The following SAXO1 variants were observed in gnomAD, a reference collection of about 807,000 sequenced individuals.
SAXO1 encodes the protein stabilizer of axonemal microtubules 1.
In SAXO1, 21 loss-of-function variants were observed where a neutral mutation model predicts 17.5. The ratio of observed to expected loss-of-function variants is 1.20; its 90% confidence interval spans 0.85 to 1.72. The LOEUF (loss-of-function observed/expected upper bound fraction) is 1.72, where lower values mean the gene tolerates loss of function less well. SAXO1 is among the 40% of genes most tolerant of loss of function. The pLI is 0.00. For synonymous variants in SAXO1, 274 were observed against 216.5 expected (o/e 1.27, Z -2.33); for missense variants, 843 against 596.0 (o/e 1.41, Z -4.32).
At chr9:18,995,012 G>T (rs1332361665) in intron 1 of SAXO1, among the ~76,000 whole-genome samples, 7 of 152,148 alleles carry the variant, frequency 4.6e-5, no homozygotes, top group Admixed American at 4.6e-4. Flanking sequence ...AGACCATCCA[G>T]GAAGAGACTG....
rs202178772 is a variant in SAXO1 at position 18,982,556 on chromosome 9, A to C, written c.39-31619T>G. On this transcript the variant is annotated intron_variant, in intron 1 of 3. Transcript: ENST00000380534. ...TGACTTCCAACAGAGTCACCATGGC[A>C]GAAGGGGTTACTCTGAGCAAACCTT... 4.9e-4 allele frequency among the ~76,000 whole-genome samples: 75 copies of C among 152,356 alleles called. No homozygotes were observed. The East Asian group carries it at 5.4e-3, about 11-fold the overall frequency.
At chr9:19,025,173 CTT>C (rs1021164392) in intron 1 of SAXO1, among the ~76,000 whole-genome samples, 69 of 152,092 alleles carry the variant, frequency 4.5e-4, no homozygotes, top group African/African-American at 1.6e-3. Context: ...AAAATTCAAT[CTT>C]AACGTGAAAG....
chr9:18,976,746 G>A (rs922090619), intron 1 of SAXO1, among the ~76,000 whole-genome samples: 15 of 152,170 alleles, frequency 9.9e-5, no homozygotes, highest in African/African-American at 2.9e-4. Flanking sequence ...ATTTTCCAAC[G>A]AGGACATTCC....
intron 1 of SAXO1, chr9:19,027,609 T>C (rs1835549051): frequency 4.9e-6 from 7 of 1,433,328 alleles, no homozygotes; most frequent in South Asian, 1.1e-5. Flanking sequence ...CTGGTGCAGA[T>C]GTTCACTGGA....
intron 1 of SAXO1, among the ~76,000 whole-genome samples, chr9:18,985,128 G>C (rs1181912469): frequency 6.6e-6 from 1 of 151,976 alleles, no homozygotes; most frequent in East Asian, 1.9e-4. Context: ...CAAGGAGAAG[G>C]AGAGAGATGC....
chr9:19,033,822 G>T (rs1835864817), upstream of SAXO1, among the ~76,000 whole-genome samples: 1 of 152,186 alleles, frequency 6.6e-6, no homozygotes, highest in Admixed American at 6.5e-5. Context: ...CTGATTCAGT[G>T]TTTCTAGGGT....
intron 1 of SAXO1, among the ~76,000 whole-genome samples, chr9:19,019,182 C>G (rs201580568): frequency 6.6e-6 from 1 of 152,102 alleles, no homozygotes; most frequent in East Asian, 1.9e-4. Flanking sequence ...TCAGCTTATT[C>G]TTCATATCAC....
chr9:19,038,452 T>C (rs1019109907), intron 1 of SAXO1, among the ~76,000 whole-genome samples: 2 of 151,714 alleles, frequency 1.3e-5, no homozygotes, highest in African/African-American at 4.8e-5. Context: ...CTCATGTCCT[T>C]TGTAGGGACA....
intron 1 of SAXO1, among the ~76,000 whole-genome samples, chr9:19,026,677 A>G (rs569372646): frequency 6.6e-6 from 1 of 152,308 alleles, no homozygotes; most frequent in East Asian, 1.9e-4. Context: ...AGATAATAAT[A>G]TATGGGAAAA....
chr9:18,947,176 A>G (rs887289655), intron 2 of SAXO1, among the ~76,000 whole-genome samples: 2 of 152,228 alleles, frequency 1.3e-5, no homozygotes, highest in South Asian at 2.1e-4. Context: ...GAGGCTAAGT[A>G]TATGCCCAGT....
At chr9:18,997,597 C>G (rs527591799) in intron 1 of SAXO1, among the ~76,000 whole-genome samples, 2 of 152,360 alleles carry the variant, frequency 1.3e-5, no homozygotes, top group South Asian at 2.1e-4. Context: ...CCAGATAGTT[C>G]TGAAGACAGC....
intron 1 of SAXO1, among the ~76,000 whole-genome samples, chr9:18,951,399 G>C (rs1345333758): frequency 6.6e-6 from 1 of 152,042 alleles, no homozygotes; most frequent in Non-Finnish European, 1.5e-5. Context: ...TTAGCTCCTG[G>C]GTCAACTCGG....
intron 1 of SAXO1, among the ~76,000 whole-genome samples, chr9:18,987,590 A>G (rs953152991): frequency 2.0e-5 from 3 of 152,162 alleles, no homozygotes; most frequent in Non-Finnish European, 2.9e-5. Context: ...TGGGTAAGCA[A>G]GAGCAAAAAC....
At chr9:18,995,131 T>C (rs1833951137) in intron 1 of SAXO1, among the ~76,000 whole-genome samples, 1 of 152,180 alleles carries the variant, frequency 6.6e-6, no homozygotes, top group African/African-American at 2.4e-5. Flanking sequence ...TAAAACAAGA[T>C]TCTCCCTCCC....
intron 1 of SAXO1, among the ~76,000 whole-genome samples, chr9:18,969,699 T>C (rs1832871959): frequency 6.6e-6 from 1 of 152,228 alleles, no homozygotes; most frequent in Non-Finnish European, 1.5e-5. Flanking sequence ...TCTACACACT[T>C]AATATTTTTG....
intron 1 of SAXO1, among the ~76,000 whole-genome samples, chr9:18,983,580 T>C (rs922587982): frequency 1.3e-5 from 2 of 152,230 alleles, no homozygotes; most frequent in Non-Finnish European, 2.9e-5. Flanking sequence ...TGCTCATCCA[T>C]AAGAAGTAAC....
upstream of SAXO1, among the ~76,000 whole-genome samples, chr9:19,033,853 T>C (rs986578538): frequency 6.6e-6 from 1 of 152,204 alleles, no homozygotes; most frequent in African/African-American, 2.4e-5. Flanking sequence ...CTTGCATTTC[T>C]TACAAGCTCT....
At chr9:19,041,161 GAA>G (rs35085745) in intron 1 of SAXO1, among the ~76,000 whole-genome samples, 6 of 73,036 alleles carry the variant, frequency 8.2e-5, no homozygotes, top group Admixed American at 3.2e-4. Flanking sequence ...TGAACAATCT[GAA>G]AAAAAAAAAA....
At chr9:18,953,493 T>C (rs972158041) in intron 1 of SAXO1, among the ~76,000 whole-genome samples, 3 of 152,260 alleles carry the variant, frequency 2.0e-5, no homozygotes, top group Non-Finnish European at 4.4e-5. Flanking sequence ...AACATATTTA[T>C]AGAGCAGACT....
Sources: allele counts gnomAD v4.1 joint callset (sites outside exome capture counted in the v4.1 genomes callset), GRCh38; gene constraint gnomAD v4.1.1; transcripts MANE v1.5; gene names NCBI Gene and HGNC (gene_info 2026-07-23, HGNC 2026-07-21).